The following TMEM184B variants were observed in gnomAD, a reference collection of about 807,000 sequenced individuals.
TMEM184B encodes putative MAPK-activating protein FM08.
In TMEM184B, 17 loss-of-function variants were observed where a neutral mutation model predicts 41.8. The ratio of observed to expected loss-of-function variants is 0.41; its 90% confidence interval spans 0.28 to 0.61. The LOEUF (loss-of-function observed/expected upper bound fraction) is 0.61, where lower values mean the gene tolerates loss of function less well. Ranked by LOEUF, TMEM184B falls within the 20% of genes least tolerant of loss-of-function variation. TMEM184B has a pLI of 0.34. For synonymous variants in TMEM184B, 240 were observed against 229.5 expected (o/e 1.05, Z -0.41); for missense variants, 393 against 557.8 (o/e 0.70, Z 2.98).
rs192026846 is a variant in TMEM184B at position 38,229,210 on chromosome 22, C to G, written c.525+1459G>C. On this transcript the variant is annotated intron_variant, in intron 5 of 8. Coordinates refer to ENST00000361906, the MANE Select transcript of TMEM184B (RefSeq NM_012264.5). ...GGTTTCATGTACTTTCGTGACTACT[C>G]TTGGCGAAGCTGGAGGGGCTGACAT... Among the ~76,000 whole-genome samples, 52 of 152,376 alleles carry G rather than the reference C, an allele frequency of 3.4e-4. No homozygotes were observed. The East Asian group carries it at 9.3e-3, about 27-fold the overall frequency.
chr22:38,254,277 G>A (rs572289920), intron 1 of TMEM184B, among the ~76,000 whole-genome samples: 1 of 150,204 alleles, frequency 6.7e-6, no homozygotes, highest in Non-Finnish European at 1.5e-5. Context: ...CAAAATACAT[G>A]AACAGATATC....
intron 5 of TMEM184B, 131 bp downstream of exon 5, chr22:38,230,538 G>A (rs1024682636): frequency 1.7e-5 from 14 of 831,374 alleles, no homozygotes; most frequent in Non-Finnish European, 2.5e-5. Context: ...GCTTCGGGGG[G>A]TGGGTGCTGG....
chr22:38,225,314 C>T lies in TMEM184B; in HGVS notation c.787+110G>A, dbSNP rs543495966. 3.0e-6 allele frequency: 4 copies of T among 1,351,666 alleles called. No homozygotes were observed. The South Asian group carries it at 4.5e-5, about 15-fold the overall frequency. The allele number at this position is 1,351,666 out of a possible 1,614,324, so 83.7% of individuals were successfully genotyped here. On this transcript the variant is annotated intron_variant, in intron 7 of 8. Coordinates refer to ENST00000361906, the MANE Select transcript of TMEM184B (RefSeq NM_012264.5). The surrounding 1 kb of genome is among the most constrained non-coding windows in gnomAD (Gnocchi z 4.4). ...CCAGCAAGTGCCCAGTGGGCTGAGG[C>T]CCCTCTGAACAGGCCCTACAGGCAC...
At chr22:38,238,060 A>G (rs1447524672) in intron 3 of TMEM184B, among the ~76,000 whole-genome samples, 2 of 151,698 alleles carry the variant, frequency 1.3e-5, no homozygotes, top group Non-Finnish European at 2.9e-5. Context: ...TCGGCCTCCC[A>G]AAGTGCTGGG....
At chr22:38,266,086 C>T (rs2092440046) in intron 1 of TMEM184B, among the ~76,000 whole-genome samples, 1 of 152,206 alleles carries the variant, frequency 6.6e-6, no homozygotes, top group African/African-American at 2.4e-5. Flanking sequence ...GTAACAGAGG[C>T]AGTAACTTCC....
intron 3 of TMEM184B, among the ~76,000 whole-genome samples, chr22:38,233,705 G>A (rs762966195): frequency 5.3e-5 from 8 of 152,188 alleles, no homozygotes; most frequent in Admixed American, 1.3e-4. Flanking sequence ...CACAATGACC[G>A]TGTCCATTCT....
At position 38,221,535 on chromosome 22, in the gene TMEM184B, G is replaced by A. The variant is rs2091259432; in HGVS notation, c.1158C>T (p.Ser386=). 1 of 1,613,784 alleles carries A rather than the reference G, an allele frequency of 6.2e-7. No homozygotes were observed. Among genetic ancestry groups the A allele is most frequent in the Non-Finnish European group, 8.5e-7 (1 of 1,179,936 alleles). The part of the protein sequence containing the change: ...WRGGAHGLSR[S]HSLSGARDNE... Reference sequence around the variant, plus strand: ...TGTCGCGGGCGCCACTGAGGCTGTGGGAGCGGGAGAGGCCGTGGGCGCCAC... The same window carrying A: ...TGTCGCGGGCGCCACTGAGGCTGTGAGAGCGGGAGAGGCCGTGGGCGCCAC... The change falls in exon 9 of 9, where the codon TCC becomes TCT. Residue 386 remains serine, a synonymous_variant. Coordinates refer to ENST00000361906, the MANE Select transcript of TMEM184B (RefSeq NM_012264.5).
chr22:38,262,622 G>C (rs62230166), intron 1 of TMEM184B, among the ~76,000 whole-genome samples: 3 of 152,152 alleles, frequency 2.0e-5, no homozygotes, highest in African/African-American at 7.2e-5. Context: ...AAATCATGAC[G>C]TGAGCCAATC....
chr22:38,258,638 A>G (rs916096746), intron 1 of TMEM184B, among the ~76,000 whole-genome samples: 3 of 152,170 alleles, frequency 2.0e-5, no homozygotes, highest in African/African-American at 7.2e-5. Flanking sequence ...GCTGCTAGAC[A>G]CAGTGACACT....
Position 38,219,753 on chromosome 22 carries a change from A to G in TMEM184B, c.*1716T>C. ...AGAAGGGAAGCCACGGTGGAGAGAC[A>G]GCTTGGTGAAAGCAGATGGCGGGGC... On this transcript the variant is annotated 3_prime_UTR_variant, in exon 9 of 9. Transcript: ENST00000361906. 1 of 985,738 alleles carries G rather than the reference A, an allele frequency of 1.0e-6. No individual in the cohort carries two copies. Among genetic ancestry groups the G allele is most frequent in the Non-Finnish European group, 1.2e-6 (1 of 830,138 alleles). The allele number at this position is 985,738 out of a possible 1,614,324, so 61.1% of individuals were successfully genotyped here.
rs371784357 is a variant in TMEM184B at position 38,231,339 on chromosome 22, G to T, written c.359-5C>A. The T allele has an allele frequency of 6.2e-7, 1 of 1,612,902 alleles. No individual in the cohort carries two copies. The highest frequency in any genetic ancestry group is 8.5e-7 in the Non-Finnish European group (1 of 1,178,830). On this transcript the variant is annotated splice_region_variant and splice_polypyrimidine_tract_variant and intron_variant, in intron 3 of 8. Transcript: ENST00000361906. Reference sequence around the variant, plus strand: ...GGAAATTATAGATGACCAAGGCTGCGAAGAGAGTGTCCAGGAGAAACCAGT... The same window carrying T: ...GGAAATTATAGATGACCAAGGCTGCTAAGAGAGTGTCCAGGAGAAACCAGT...
intron 1 of TMEM184B, among the ~76,000 whole-genome samples, chr22:38,256,925 A>G (rs1258908605): frequency 6.6e-6 from 1 of 151,512 alleles, no homozygotes; most frequent in Non-Finnish European, 1.5e-5. Flanking sequence ...TCAACGGGTG[A>G]CGTCTAGTCT....
chr22:38,224,834 C>A lies in TMEM184B; in HGVS notation c.933G>T (p.Arg311=). 6.2e-7 allele frequency: 1 copy of A among 1,613,400 alleles called. No individual in the cohort carries two copies. Among genetic ancestry groups the A allele is most frequent in the Non-Finnish European group, 8.5e-7 (1 of 1,179,690 alleles). ...VEMFFAALAL[R]HAFTYKVYAD... Reference sequence around the variant, plus strand: ...CATAGACCTTGTAGGTGAAGGCGTGCCGCAGGGCCAGGGCTGCAAAGAACA... The same window carrying A: ...CATAGACCTTGTAGGTGAAGGCGTGACGCAGGGCCAGGGCTGCAAAGAACA... Residue 311 remains arginine, a synonymous_variant, in exon 8 of 9, where the codon CGG becomes CGT. Transcript: ENST00000361906.
Position 38,226,780 on chromosome 22 carries a change from C to A in TMEM184B, c.616G>T (p.Asp206Tyr). The A allele has an allele frequency of 6.3e-7, 1 of 1,598,196 alleles. No homozygotes were observed. Among genetic ancestry groups the A allele is most frequent in the South Asian group, 1.1e-5 (1 of 88,256 alleles). The change falls in exon 6 of 9, where the codon GAC becomes TAC. Residue 206 changes from aspartate to tyrosine, a missense_variant and splice_region_variant. By Grantham distance (160) the Asp-to-Tyr change is radical (BLOSUM62 -3). This residue lies in a region of TMEM184B where 271 missense variants were observed against 434.1 expected (regional missense o/e 0.62). Coordinates refer to ENST00000361906, the MANE Select transcript of TMEM184B (RefSeq NM_012264.5). This position sits in a 1 kb window ranked among gnomAD's most constrained non-coding sequence, Gnocchi z 4.6. ...AFGKYRDGDF[D>Y]VTSGYLYVTI... Reference sequence around the variant, plus strand: ...CCCCGGGGAGCACCCGCTGCTTACTCAAAGTCCCCATCCCGGTACTTGCCG... The same window carrying A: ...CCCCGGGGAGCACCCGCTGCTTACTAAAAGTCCCCATCCCGGTACTTGCCG...
intron 5 of TMEM184B, among the ~76,000 whole-genome samples, chr22:38,229,368 T>C (rs1395781747): frequency 6.6e-6 from 1 of 152,238 alleles, no homozygotes; most frequent in Non-Finnish European, 1.5e-5. Flanking sequence ...TCTACATCCA[T>C]GACCTCATCT....
intron 3 of TMEM184B, among the ~76,000 whole-genome samples, chr22:38,241,091 C>T (rs537217109): frequency 1.8e-4 from 28 of 152,166 alleles, no homozygotes; most frequent in African/African-American, 6.0e-4. Flanking sequence ...GGTTTCCAGG[C>T]TTATGGTGAA....
chr22:38,262,988 A>G (rs911402631), intron 1 of TMEM184B, among the ~76,000 whole-genome samples: 3 of 152,140 alleles, frequency 2.0e-5, no homozygotes, highest in African/African-American at 7.2e-5. Flanking sequence ...CTGTAAACTC[A>G]GCCTCTAGGG....
chr22:38,235,858 G>C (rs2091760328), intron 3 of TMEM184B, among the ~76,000 whole-genome samples: 1 of 152,184 alleles, frequency 6.6e-6, no homozygotes, highest in South Asian at 2.1e-4. Flanking sequence ...AGCTGAGACG[G>C]GGCTGGAGGG....
intron 8 of TMEM184B, among the ~76,000 whole-genome samples, chr22:38,224,305 A>G (rs1013760914): frequency 1.6e-4 from 24 of 152,204 alleles, no homozygotes; most frequent in Middle Eastern, 6.8e-3. Context: ...TAGTAGAGAC[A>G]GGGTTTCACC....
Sources: gnomAD v4.1 joint callset for allele counts (sites outside exome capture counted in the v4.1 genomes callset) on GRCh38, gnomAD v4.1.1 for gene constraint, gnomAD v4.1.1 regional missense constraint, Gnocchi (gnomAD v3.1) non-coding constraint, MANE v1.5 for transcripts, NCBI Gene and HGNC (gene_info 2026-07-23, HGNC 2026-07-21) for gene names.